The following CPZ variants were observed in gnomAD, a reference collection of about 807,000 sequenced individuals.
CPZ encodes the protein VEZT/CPZ fusion.
In CPZ, 103 loss-of-function variants were observed where a neutral mutation model predicts 61.8. That is an observed-to-expected ratio of 1.67 (90% CI 1.42 to 1.96). The LOEUF (loss-of-function observed/expected upper bound fraction) is 1.96, where lower values mean the gene tolerates loss of function less well. Ranked by LOEUF, CPZ falls within the 30% of genes most tolerant of loss-of-function variation. The pLI, the probability that CPZ is intolerant of heterozygous loss-of-function variation, is 0.00. For synonymous variants in CPZ, 551 were observed against 373.7 expected (o/e 1.47, Z -5.47); for missense variants, 1,461 against 914.9 (o/e 1.60, Z -7.70).
intron 9 of CPZ, among the ~76,000 whole-genome samples, chr4:8,617,893 G>A (rs1253863480): frequency 1.3e-5 from 2 of 152,162 alleles, no homozygotes; most frequent in African/African-American, 4.8e-5. Flanking sequence ...GGGCGTGCAG[G>A]GAGCTTGTGT....
In CPZ at chr4:8,614,422, T is replaced by G. The variant is rs1180382462; in HGVS notation, c.1427T>G (p.Val476Gly). Reference protein sequence around the residue: ...CFEITVELGCVKFPPEEALYI... With the variant: ...CFEITVELGCGKFPPEEALYI... Reference sequence around the variant, plus strand: ...GAGATCACGGTAGAGCTGGGCTGTGTGAAGTTCCCCCCCGAGGAGGCCCTG... The same window carrying G: ...GAGATCACGGTAGAGCTGGGCTGTGGGAAGTTCCCCCCCGAGGAGGCCCTG... The change falls in exon 9 of 11, where the codon GTG (valine) becomes GGG (glycine). Residue 476 changes from valine (V) to glycine (G), a missense_variant. Transcript: ENST00000360986. The G allele has an allele frequency of 1.9e-6, 3 of 1,614,038 alleles. No homozygotes were observed. The Admixed American group carries it at 5.0e-5, about 27-fold the overall frequency.
chr4:8,619,655 GCCCA>G lies in CPZ; in HGVS notation c.*39_*42del. 7.1e-7 allele frequency: 1 copy of G among 1,416,146 alleles called. No homozygotes were observed. The allele number at this position is 1,416,146 out of a possible 1,614,324, so 87.7% of individuals were successfully genotyped here. ...CACCCGCCAGGATGTGGAGACCGAG[GCCCA>G]TCTCCGCATCCCGGGCTCCTGGCTC... On this transcript the variant is annotated 3_prime_UTR_variant, in exon 11 of 11. Transcript: ENST00000360986.
In CPZ at chr4:8,593,329, C is replaced by A. The variant is rs138811542; in HGVS notation, c.88+408C>A. 4.4e-3 allele frequency among the ~76,000 whole-genome samples: 664 copies of A among 152,312 alleles called. 3 individuals carry two copies. The highest frequency in any genetic ancestry group is 6.6e-3 in the Non-Finnish European group (451 of 68,022). On this transcript the variant is annotated intron_variant, in intron 1 of 10. Coordinates refer to ENST00000360986, the MANE Select transcript of CPZ (RefSeq NM_001014447.3). ...ACGGGACAGTCTCTCTGGGCTGTGGCAAACTCTTGACCCCTCCCTCCCAGC... is the reference window on the plus strand; with the variant it reads ...ACGGGACAGTCTCTCTGGGCTGTGGAAAACTCTTGACCCCTCCCTCCCAGC...
chr4:8,617,788 C>T (rs909187125), intron 9 of CPZ, among the ~76,000 whole-genome samples: 1 of 152,120 alleles, frequency 6.6e-6, no homozygotes, highest in African/African-American at 2.4e-5. Flanking sequence ...GAGCAGGGGC[C>T]GTGTGGGTGG....
In CPZ at chr4:8,592,775, C is replaced by A; in HGVS notation, c.-59C>A. The A allele has an allele frequency of 1.6e-6, 2 of 1,241,606 alleles. No individual in the cohort carries two copies. Among genetic ancestry groups the A allele is most frequent in the Non-Finnish European group, 2.1e-6 (2 of 956,134 alleles). 76.9% of individuals were successfully genotyped at this position (1,241,606 alleles called of 1,614,324 possible). On this transcript the variant is annotated 5_prime_UTR_variant, in exon 1 of 11. Transcript: ENST00000360986. The stretch of plus-strand genomic sequence containing the variant: ...GAGCCCAGCGAGCGCAGAGCCCCGG[C>A]CCCGCGCGGCCCGAGTGCCACATCA...
rs147337200 is a variant in CPZ, at chr4:8,601,318, C to G, written c.317C>G (p.Ala106Gly). 1.6e-5 allele frequency: 26 copies of G among 1,609,242 alleles called. No homozygotes were observed. Among genetic ancestry groups the G allele is most frequent in the African/African-American group, 2.7e-5 (2 of 74,842 alleles). Residue 106 changes from alanine to glycine, a missense_variant, in exon 3 of 11, where the codon GCC (alanine) becomes GGC (glycine). Ala to Gly is a moderately conservative substitution (Grantham distance 60). Coordinates refer to ENST00000360986, the MANE Select transcript of CPZ (RefSeq NM_001014447.3). ...DLRLLGCAVL[A>G]PRCEGGWVRR... ...CGGCTGCTGGGCTGTGCTGTGCTGG[C>G]CCCCCGGTGTGAGGGCGGCTGGGTG...
chr4:8,614,668 T>G (rs561316991), intron 9 of CPZ, among the ~76,000 whole-genome samples, 170 bp downstream of exon 9: 1 of 152,308 alleles, frequency 6.6e-6, no homozygotes, highest in African/African-American at 2.4e-5. Context: ...TGAGATACAG[T>G]AGCCGGCTCT....
chr4:8,611,445 T>G (rs1335678739), intron 7 of CPZ, among the ~76,000 whole-genome samples: 2 of 152,016 alleles, frequency 1.3e-5, no homozygotes, highest in Non-Finnish European at 2.9e-5. Flanking sequence ...TCCTGTGAGC[T>G]GTGTTCTGTC....
chr4:8,604,234 G>A, intron 4 of CPZ, 46 bp downstream of exon 4: 2 of 1,473,522 alleles, frequency 1.4e-6, no homozygotes, highest in Non-Finnish European at 1.8e-6. Context: ...TTCGGGAAAG[G>A]GCTTGGGCCG....
chr4:8,618,127 C>G, intron 9 of CPZ: 1 of 376,750 alleles, frequency 2.7e-6, no homozygotes, highest in South Asian at 2.8e-5. Context: ...AGAAGAGTGG[C>G]AGGAAAGGGT....
At chr4:8,607,686 C>G (rs923626008) in intron 7 of CPZ, among the ~76,000 whole-genome samples, 2 of 152,198 alleles carry the variant, frequency 1.3e-5, no homozygotes, top group African/African-American at 4.8e-5. Context: ...TCTGGGAGCT[C>G]CTGGGGTGGG....
At chr4:8,613,822 G>A (rs1334973311) in intron 8 of CPZ, among the ~76,000 whole-genome samples, 1 of 152,228 alleles carries the variant, frequency 6.6e-6, no homozygotes, top group Non-Finnish European at 1.5e-5. Flanking sequence ...CTGGGAGATG[G>A]AGCTAATAGG....
In CPZ at chr4:8,619,617, G is replaced by T. The variant is rs753883265; in HGVS notation, c.1959G>T (p.Ter653TyrextTer39). ...THRPRWLLKY[*>Y] Reference sequence around the variant, plus strand: ...GGCCACGCTGGCTGCTCAAGTACTAGCCCCGGCCCCAGCACCCGCCAGGAT... The same window carrying T: ...GGCCACGCTGGCTGCTCAAGTACTATCCCCGGCCCCAGCACCCGCCAGGAT... The change falls in exon 11 of 11, where the codon TAG (stop) becomes TAT (tyrosine). Residue 653 changes from the stop codon to tyrosine (Y), a stop_lost. Transcript: ENST00000360986. 7.4e-5 allele frequency: 110 copies of T among 1,487,740 alleles called. No homozygotes were observed. Among genetic ancestry groups the T allele is most frequent in the Non-Finnish European group, 9.5e-5 (107 of 1,120,622 alleles). 92.2% of individuals were successfully genotyped at this position (1,487,740 alleles called of 1,614,324 possible).
intron 1 of CPZ, among the ~76,000 whole-genome samples, chr4:8,593,533 A>AGGCTGGG (rs1255675181): frequency 6.6e-6 from 1 of 152,120 alleles, no homozygotes; most frequent in Admixed American, 6.5e-5. Flanking sequence ...AGGAAGGTAG[A>AGGCTGGG]GGCTGGGGGC....
chr4:8,603,341 G>C (rs1265227490), intron 3 of CPZ: 1 of 152,426 alleles, frequency 6.6e-6, no homozygotes, highest in African/African-American at 2.4e-5. Flanking sequence ...TGCGTATGTG[G>C]TGTAGAGACG....
intron 9 of CPZ, chr4:8,618,112 C>T (rs113105733): frequency 1.5e-5 from 5 of 338,988 alleles, no homozygotes; most frequent in Non-Finnish European, 2.8e-5. Context: ...GAATGCCGAT[C>T]AGGCAGAAGA....
rs1402854350 is a variant in CPZ, at chr4:8,604,225, T to C, written c.709+37T>C. 2.0e-6 allele frequency: 3 copies of C among 1,491,074 alleles called. No homozygotes were observed. The East Asian group carries it at 7.5e-5, about 37-fold the overall frequency. The allele number at this position is 1,491,074 out of a possible 1,614,324, so 92.4% of individuals were successfully genotyped here. On this transcript the variant is annotated intron_variant, in intron 4 of 10. Transcript: ENST00000360986. ...TGGGAGAGCCTGGCCTGGCCCCGTT[T>C]CGGGAAAGGGCTTGGGCCGCTCCAC...
chr4:8,605,350 T>TCCA (rs869174559), intron 4 of CPZ, among the ~76,000 whole-genome samples: 13 of 21,408 alleles, frequency 6.1e-4, no homozygotes, highest in Non-Finnish European at 9.3e-4. Flanking sequence ...ATCCATCCAT[T>TCCA]TATTCATTCA....
At chr4:8,609,171 C>CTCCCTCACTCAT (rs879888328) in intron 7 of CPZ, among the ~76,000 whole-genome samples, 1 of 63,792 alleles carries the variant, frequency 1.6e-5, no homozygotes, top group African/African-American at 6.0e-5. Context: ...CATTCACTCA[C>CTCCCTCACTCAT]CCATTCACTC....
Sources: gnomAD v4.1 joint callset for allele counts (sites outside exome capture counted in the v4.1 genomes callset) on GRCh38, gnomAD v4.1.1 for gene constraint, MANE v1.5 for transcripts, NCBI Gene and HGNC (gene_info 2026-07-23, HGNC 2026-07-21) for gene names.